The following KLHL2 variants were observed in gnomAD, a reference collection of about 807,000 sequenced individuals.
KLHL2 encodes the protein kelch-like protein 2.
A neutral mutation model predicts 75.8 loss-of-function variants in KLHL2; 15 were observed. That is an observed-to-expected ratio of 0.20 (90% CI 0.13 to 0.30). The LOEUF (loss-of-function observed/expected upper bound fraction) is 0.30. Ranked by LOEUF, KLHL2 falls within the 10% of genes least tolerant of loss-of-function variation. The pLI is 1.00. For synonymous variants in KLHL2, 214 were observed against 251.9 expected, an observed-to-expected ratio of 0.85 and a Z score of 1.42; for missense variants, 381 against 741.0, an observed-to-expected ratio of 0.51 and a Z score of 5.64.
chr4:165,296,659 G>C (rs543237031), intron 6 of KLHL2, among the ~76,000 whole-genome samples: 1 of 152,278 alleles, frequency 6.6e-6, no homozygotes, highest in African/African-American at 2.4e-5. Context: ...AGTCATACCA[G>C]TGAGCAGCAG....
chr4:165,232,074 A>G (rs1738937420), intron 3 of KLHL2, among the ~76,000 whole-genome samples: 1 of 152,070 alleles, frequency 6.6e-6, no homozygotes, highest in Non-Finnish European at 1.5e-5. Flanking sequence ...TCAGCAGTAG[A>G]TGTTATTTGA....
chr4:165,225,883 T>TA (rs1738396243), intron 2 of KLHL2, among the ~76,000 whole-genome samples: 1 of 152,212 alleles, frequency 6.6e-6, no homozygotes, highest in Non-Finnish European at 1.5e-5. Flanking sequence ...TGTGGCTGCA[T>TA]AATATTTTAG....
At chr4:165,286,960 G>A (rs1744140864) in intron 5 of KLHL2, among the ~76,000 whole-genome samples, 1 of 152,088 alleles carries the variant, frequency 6.6e-6, no homozygotes, top group Admixed American at 6.5e-5. Context: ...TTCATCACCA[G>A]TGTTTTCAAA....
chr4:165,285,005 A>G lies in KLHL2; in HGVS notation c.545-9354A>G, dbSNP rs182049508. Among the ~76,000 whole-genome samples, 52 of 152,274 alleles carry G rather than the reference A, an allele frequency of 3.4e-4. No homozygotes were observed. In the East Asian group the frequency reaches 7.5e-3, roughly 22 times the overall value. Reference sequence around the variant, plus strand: ...TGAGAAAGACCTGCCCACATAATTCAATCATCTCCCACCAGGTCCCTCCCA... The same window carrying G: ...TGAGAAAGACCTGCCCACATAATTCGATCATCTCCCACCAGGTCCCTCCCA... On this transcript the variant is annotated intron_variant, in intron 5 of 14. Coordinates refer to ENST00000226725, the MANE Select transcript of KLHL2 (RefSeq NM_007246.4).
intron 4 of KLHL2, among the ~76,000 whole-genome samples, chr4:165,243,171 C>G (rs956598922): frequency 6.6e-6 from 1 of 152,110 alleles, no homozygotes; most frequent in African/African-American, 2.4e-5. Flanking sequence ...TGTTAATTAA[C>G]ACTTTTGGAG....
chr4:165,264,991 C>A (rs1742131310), intron 5 of KLHL2, among the ~76,000 whole-genome samples: 2 of 151,506 alleles, frequency 1.3e-5, no homozygotes, highest in Admixed American at 6.6e-5. Flanking sequence ...ACATTCCCAC[C>A]AGCAGCATAT....
chr4:165,264,714 ATATATACATATATATATATATATATG>A (rs1242333473), intron 5 of KLHL2, among the ~76,000 whole-genome samples: 2,658 of 75,188 alleles, frequency 0.035, 38 homozygotes, highest in Non-Finnish European at 0.052. Context: ...GTATATATAT[ATATATACATATATATATATATATATG>A]TATATATATA....
intron 3 of KLHL2, among the ~76,000 whole-genome samples, chr4:165,233,544 A>T (rs1244202328): frequency 1.3e-5 from 2 of 152,146 alleles, no homozygotes; most frequent in African/African-American, 4.8e-5. Flanking sequence ...TGTTTGAGTG[A>T]CTAAGAAGTA....
chr4:165,236,590 A>T (rs1230845490), intron 3 of KLHL2, among the ~76,000 whole-genome samples: 1 of 152,236 alleles, frequency 6.6e-6, no homozygotes, highest in African/African-American at 2.4e-5. Flanking sequence ...ATTTCCTCTG[A>T]AAACACAGCA....
intron 8 of KLHL2, among the ~76,000 whole-genome samples, chr4:165,301,254 A>G (rs1278017869): frequency 6.6e-6 from 1 of 152,240 alleles, no homozygotes; most frequent in African/African-American, 2.4e-5. Flanking sequence ...ATTCTTCTGC[A>G]TGGTATTTTA....
chr4:165,312,215 T>C (rs1579185508), intron 11 of KLHL2, among the ~76,000 whole-genome samples: 1 of 152,258 alleles, frequency 6.6e-6, no homozygotes, highest in East Asian at 1.9e-4. Context: ...TCCAGACAGG[T>C]ACCGGTCCAT....
At chr4:165,308,639 C>T (rs545830367) in intron 9 of KLHL2, among the ~76,000 whole-genome samples, 2 of 152,208 alleles carry the variant, frequency 1.3e-5, no homozygotes, top group South Asian at 2.1e-4. Flanking sequence ...ATTCTCTAAA[C>T]CTTGGTAAGC....
chr4:165,312,949 T>C (rs1746316162), intron 11 of KLHL2, among the ~76,000 whole-genome samples: 5 of 152,222 alleles, frequency 3.3e-5, no homozygotes, highest in Admixed American at 3.3e-4. Context: ...ACTTATCAAA[T>C]AGTGTTACCT....
chr4:165,305,504 C>T, intron 8 of KLHL2, 104 bp from the exon 9 acceptor site: 1 of 896,196 alleles, frequency 1.1e-6, no homozygotes, highest in South Asian at 1.4e-5. Context: ...CTCACCCTAT[C>T]ATCTTCATCC....
At chr4:165,244,328 AT>A (rs1170820896) in intron 4 of KLHL2, among the ~76,000 whole-genome samples, 1 of 152,236 alleles carries the variant, frequency 6.6e-6, no homozygotes, top group Admixed American at 6.5e-5. Flanking sequence ...GTGGGAGCAA[AT>A]CCAACATGTA....
chr4:165,310,725 T>A lies in KLHL2; in HGVS notation c.1212T>A (p.Ala404=), dbSNP rs762190063. 3 of 1,613,618 alleles carry A rather than the reference T, an allele frequency of 1.9e-6. No homozygotes were observed. Among genetic ancestry groups the A allele is most frequent in the Non-Finnish European group, 2.5e-6 (3 of 1,179,832 alleles). ...CTGTGTTAAATGGATTATTATACGCTGTGGGAGGCTTTGATGGGAGTACAG... is the reference window on the plus strand; with the variant it reads ...CTGTGTTAAATGGATTATTATACGCAGTGGGAGGCTTTGATGGGAGTACAG... ...GAAVLNGLLY[A]VGGFDGSTGL... is the part of the protein sequence containing the mutation. The change falls in exon 10 of 15, where the codon GCT becomes GCA. Residue 404 remains alanine, a synonymous_variant. Coordinates refer to ENST00000226725, the MANE Select transcript of KLHL2 (RefSeq NM_007246.4).
chr4:165,266,409 G>A (rs1742247491), intron 5 of KLHL2, among the ~76,000 whole-genome samples: 1 of 152,162 alleles, frequency 6.6e-6, no homozygotes, highest in African/African-American at 2.4e-5. Context: ...CCTATGTCCT[G>A]AATGGTATTG....
At chr4:165,278,692 C>G (rs1468386638) in intron 5 of KLHL2, 1 of 1,604,806 alleles carries the variant, frequency 6.2e-7, no homozygotes, top group Non-Finnish European at 8.5e-7. Context: ...CAGAACCTTC[C>G]AAAGCGTAAT....
At chr4:165,260,544 A>C (rs527515355) in intron 4 of KLHL2, among the ~76,000 whole-genome samples, 1 of 152,182 alleles carries the variant, frequency 6.6e-6, no homozygotes, top group South Asian at 2.1e-4. Context: ...TGAAATTTTA[A>C]AAGCCTGCTA....
Sources: allele counts gnomAD v4.1 joint callset (sites outside exome capture counted in the v4.1 genomes callset), GRCh38; gene constraint gnomAD v4.1.1; transcripts MANE v1.5; gene names NCBI Gene and HGNC (gene_info 2026-07-23, HGNC 2026-07-21).